The following WNK2 variants were observed in gnomAD, a reference collection of about 807,000 sequenced individuals.
The protein encoded by WNK2 is WNK lysine deficient protein kinase 2, also known as serine/threonine-protein kinase WNK2.
Under a neutral mutation model 192.1 loss-of-function variants are expected in WNK2, and 67 were observed. That is an observed-to-expected ratio of 0.35 (90% CI 0.29 to 0.43). WNK2 has a LOEUF of 0.43. Among genes scored for constraint, WNK2 ranks in the 20% least tolerant of loss-of-function variants. The pLI is 1.00. For synonymous variants in WNK2, 1,439 were observed against 1,393.9 expected, an observed-to-expected ratio of 1.03 and a Z score of -0.72; for missense variants, 2,698 against 3,089.7, an observed-to-expected ratio of 0.87 and a Z score of 3.01.
intron 19 of WNK2, among the ~76,000 whole-genome samples, chr9:93,271,183 G>C (rs1588340285): frequency 6.6e-6 from 1 of 152,204 alleles, no homozygotes; most frequent in East Asian, 1.9e-4. Flanking sequence ...TACTGGGAAG[G>C]CATTGAAAGT....
chr9:93,320,019 G>A (rs1012759770), intron 29 of WNK2, among the ~76,000 whole-genome samples: 18 of 152,300 alleles, frequency 1.2e-4, no homozygotes, highest in East Asian at 9.7e-4. Flanking sequence ...GCCAGCCTTC[G>A]AGCTTCTGCA....
chr9:93,314,137 C>G (rs1259195476), intron 28 of WNK2, among the ~76,000 whole-genome samples: 2 of 151,652 alleles, frequency 1.3e-5, no homozygotes, highest in South Asian at 2.1e-4. Flanking sequence ...AAAAAATTAG[C>G]CCAGCATGGT....
intron 2 of WNK2, among the ~76,000 whole-genome samples, chr9:93,214,710 C>A (rs1480636937): frequency 8.1e-6 from 1 of 124,036 alleles, no homozygotes; most frequent in Admixed American, 8.9e-5. Context: ...CCCCCCCCCC[C>A]CGCCCTCTCT....
chr9:93,233,090 T>G (rs1365305274), intron 4 of WNK2, among the ~76,000 whole-genome samples: 1 of 150,054 alleles, frequency 6.7e-6, no homozygotes, highest in Non-Finnish European at 1.5e-5. Flanking sequence ...CCCAGCTACT[T>G]GGGAGGCTGA....
At chr9:93,309,373 G>A (rs1487665224) in intron 28 of WNK2, among the ~76,000 whole-genome samples, 1 of 152,188 alleles carries the variant, frequency 6.6e-6, no homozygotes, top group African/African-American at 2.4e-5. Context: ...TGAGGGTACA[G>A]TTGTTACTAT....
intron 10 of WNK2, 83 bp from the exon 11 acceptor site, chr9:93,256,865 G>A (rs2132774885): frequency 1.5e-6 from 2 of 1,304,534 alleles, no homozygotes; most frequent in South Asian, 1.4e-5. Flanking sequence ...GGTGAGGGTT[G>A]ATATCCTGTC....
chr9:93,293,928 TTGTCTC>T (rs756699899), intron 23 of WNK2, among the ~76,000 whole-genome samples: 11 of 152,108 alleles, frequency 7.2e-5, no homozygotes, highest in East Asian at 1.9e-4. Flanking sequence ...TCTCCTTTCT[TTGTCTC>T]TGTCTCTGTC....
chr9:93,220,098 G>C (rs1836564274), intron 2 of WNK2, among the ~76,000 whole-genome samples: 1 of 152,192 alleles, frequency 6.6e-6, no homozygotes, highest in Non-Finnish European at 1.5e-5. Flanking sequence ...ATGAGCATAG[G>C]TCCTGTCTGC....
At chr9:93,186,327 G>A (rs1587710461) in intron 2 of WNK2, among the ~76,000 whole-genome samples, 1 of 152,196 alleles carries the variant, frequency 6.6e-6, no homozygotes, top group Non-Finnish European at 1.5e-5. Flanking sequence ...GGCTGCAGAG[G>A]CTCTGGGCAT....
intron 2 of WNK2, among the ~76,000 whole-genome samples, chr9:93,208,763 T>G (rs1833933859): frequency 9.0e-6 from 1 of 110,780 alleles, no homozygotes; most frequent in African/African-American, 4.8e-5. Flanking sequence ...GCGCATGTCC[T>G]CCGTGTGTGT....
At position 93,257,011 on chromosome 9, in the gene WNK2, C is replaced by T. The variant is rs748950838; in HGVS notation, c.2254C>T (p.Leu752Phe). 7 of 1,602,304 alleles carry T rather than the reference C, an allele frequency of 4.4e-6. No homozygotes were observed. In the South Asian group the frequency reaches 7.8e-5, roughly 18 times the overall value. ...QVLAPQPVVP[L>F]QPVPPHLPPY... ...CCTGGCCCCACAGCCCGTGGTCCCC[C>T]TCCAGCCGGTTCCCCCCCACCTGCC... Residue 752 changes from leucine (L) to phenylalanine (F), a missense_variant, in exon 11 of 30, where the codon CTC becomes TTC. Physicochemically the swap from Leu to Phe is conservative, Grantham distance 22. Coordinates refer to ENST00000427277, the MANE Select transcript of WNK2 (RefSeq NM_006648.4). This position sits in a 1 kb window ranked among gnomAD's most constrained non-coding sequence, Gnocchi z 4.7.
chr9:93,218,481 G>A (rs776009047), intron 2 of WNK2, among the ~76,000 whole-genome samples: 2 of 152,206 alleles, frequency 1.3e-5, no homozygotes, highest in African/African-American at 2.4e-5. Context: ...TGTTCTCCTG[G>A]GGAGGAGCCA....
intron 2 of WNK2, among the ~76,000 whole-genome samples, chr9:93,186,570 G>C (rs1028359125): frequency 1.3e-5 from 2 of 152,220 alleles, no homozygotes; most frequent in African/African-American, 4.8e-5. Context: ...TTAGCTGGCT[G>C]TCCAGTCCAG....
Position 93,185,351 on chromosome 9 carries a change from G to T in WNK2, c.422G>T (p.Gly141Val). Residue 141 changes from glycine to valine, a missense_variant, in exon 2 of 30, where the codon GGC becomes GTC. Physicochemically the swap from Gly to Val is moderately radical, Grantham distance 109. Transcript: ENST00000427277. ...GTCGAAACCGCGCCTGCCCCCGACGGCGGCCCCAGGGAGGAGGCGGCGGCG... is the reference window on the plus strand; with the variant it reads ...GTCGAAACCGCGCCTGCCCCCGACGTCGGCCCCAGGGAGGAGGCGGCGGCG... ...AAVETAPAPD[G>V]GPREEAAATV... The T allele has an allele frequency of 6.4e-7, 1 of 1,554,458 alleles. No individual in the cohort carries two copies.
chr9:93,310,110 C>G (rs1853376502), intron 28 of WNK2, among the ~76,000 whole-genome samples: 1 of 152,208 alleles, frequency 6.6e-6, no homozygotes. Context: ...GGAGCTGAAT[C>G]TGTTCCCTTC....
chr9:93,306,653 G>C (rs1852607697), intron 26 of WNK2, 124 bp from the exon 27 acceptor site: 3 of 1,280,262 alleles, frequency 2.3e-6, no homozygotes, highest in Non-Finnish European at 2.3e-6. Flanking sequence ...CCCTCTCTCT[G>C]AACTGCTGCC....
At position 93,239,785 on chromosome 9, in the gene WNK2, G is replaced by A; in HGVS notation, c.1351G>A (p.Ala451Thr). The change falls in exon 7 of 30, where the codon GCC becomes ACC. Residue 451 changes from alanine to threonine, a missense_variant. By Grantham distance (58) the Ala-to-Thr change is moderately conservative. This residue lies in a region of WNK2 where 230 missense variants were observed against 501.1 expected (regional missense o/e 0.46). Coordinates refer to ENST00000427277, the MANE Select transcript of WNK2 (RefSeq NM_006648.4). The surrounding 1 kb of genome is among the most constrained non-coding windows in gnomAD (Gnocchi z 4.2). The stretch of plus-strand genomic sequence containing the variant: ...CGAGATCAAAGACCTGCTGAGCCAC[G>A]CCTTCTTCGCAGAGGACACAGGCGT... The part of the protein sequence containing the change: ...RYEIKDLLSH[A>T]FFAEDTGVRV... 4.5e-6 allele frequency: 7 copies of A among 1,565,040 alleles called. No individual in the cohort carries two copies. The highest frequency in any genetic ancestry group is 1.4e-5 in the African/African-American group (1 of 73,704).
intron 8 of WNK2, among the ~76,000 whole-genome samples, chr9:93,250,229 G>A (rs1000503988): frequency 2.6e-5 from 4 of 152,020 alleles, no homozygotes; most frequent in African/African-American, 9.7e-5. Flanking sequence ...GCTACCACAC[G>A]TGAACACCTG....
intron 1 of WNK2, 159 bp from the exon 2 acceptor site, chr9:93,184,768 GC>G: frequency 3.6e-6 from 2 of 558,808 alleles, no homozygotes; most frequent in Non-Finnish European, 2.6e-6. Context: ...CCCGTCTGCA[GC>G]CCCCCTTTCC....
Sources: allele counts gnomAD v4.1 joint callset (sites outside exome capture counted in the v4.1 genomes callset), GRCh38; gene constraint gnomAD v4.1.1; regional missense constraint gnomAD v4.1.1; non-coding constraint Gnocchi (gnomAD v3.1); transcripts MANE v1.5; gene names NCBI Gene and HGNC (gene_info 2026-07-23, HGNC 2026-07-21).